CTNNA2: variants seen among roughly 807,000 people sequenced by gnomAD.
The protein encoded by CTNNA2 is catenin alpha-2.
Under a neutral mutation model 101.0 loss-of-function variants are expected in CTNNA2, and 42 were observed. The ratio of observed to expected loss-of-function variants is 0.42; its 90% CI spans 0.32 to 0.54. The LOEUF (loss-of-function observed/expected upper bound fraction) is 0.54, where lower values mean the gene tolerates loss of function less well. CTNNA2 is among the 20% of genes least tolerant of loss of function. CTNNA2 has a pLI of 0.14. For synonymous variants in CTNNA2, 450 were observed against 456.4 expected (o/e 0.99, Z 0.18); for missense variants, 871 against 1,223.1 (o/e 0.71, Z 4.29).
At chr2:79,338,044 G>A (rs1045750957) in intron 3 of CTNNA2, among the ~76,000 whole-genome samples, 4 of 151,714 alleles carry the variant, frequency 2.6e-5, no homozygotes, top group African/African-American at 7.3e-5. Flanking sequence ...TCAGGAGTTC[G>A]AGACCAGCCT....
intron 1 of CTNNA2, among the ~76,000 whole-genome samples, chr2:79,517,669 A>G (rs1181266516): frequency 3.9e-5 from 6 of 152,124 alleles, no homozygotes; most frequent in Non-Finnish European, 7.4e-5. Flanking sequence ...TATTTTCCTT[A>G]TAAGTGAATT....
chr2:79,376,289 G>A (rs1422733624), intron 4 of CTNNA2, among the ~76,000 whole-genome samples: 7 of 152,064 alleles, frequency 4.6e-5, no homozygotes, highest in African/African-American at 1.4e-4. Context: ...AAACAGCAAC[G>A]GTGGGCTGTC....
At chr2:79,431,456 G>T (rs1311601363) in intron 4 of CTNNA2, among the ~76,000 whole-genome samples, 1 of 151,978 alleles carries the variant, frequency 6.6e-6, no homozygotes, top group African/African-American at 2.4e-5. Context: ...AGACTAAAAG[G>T]GCACTTTTGA....
At chr2:80,412,827 G>A (rs1679707824) in intron 8 of CTNNA2, among the ~76,000 whole-genome samples, 1 of 152,088 alleles carries the variant, frequency 6.6e-6, no homozygotes. Context: ...CCTGGGACAG[G>A]CAGTCTAGCC....
intron 1 of CTNNA2, among the ~76,000 whole-genome samples, chr2:79,642,895 T>TA (rs940473243): frequency 1.1e-4 from 17 of 149,640 alleles, no homozygotes; most frequent in African/African-American, 2.7e-4. Flanking sequence ...AGAGGTACTT[T>TA]AAAAAAAAAA....
At chr2:80,075,622 A>ATTTTTAT (rs1344471698) in intron 7 of CTNNA2, among the ~76,000 whole-genome samples, 1,756 of 55,542 alleles carry the variant, frequency 0.032, 96 homozygotes, top group East Asian at 0.11. Flanking sequence ...GTATAAATAT[A>ATTTTTAT]AATATTTATA....
intron 7 of CTNNA2, among the ~76,000 whole-genome samples, chr2:80,285,650 T>C (rs1436381250): frequency 6.6e-6 from 1 of 152,096 alleles, no homozygotes; most frequent in Non-Finnish European, 1.5e-5. Flanking sequence ...TAGATAAAAC[T>C]CAGAGAAGCC....
In CTNNA2 at chr2:80,576,707, G is replaced by T. The variant is rs1347342169; in HGVS notation, c.1893+2393G>T. On this transcript the variant is annotated intron_variant, in intron 13 of 18. Coordinates refer to ENST00000402739, the MANE Select transcript of CTNNA2 (RefSeq NM_001282597.3). ...CTTCTTTAATATGTATTGTTTTTTG[G>T]GGGAGCCGAGGCAGGTGGATCACCT... Among the ~76,000 whole-genome samples, 3 of 149,900 alleles carry T rather than the reference G, an allele frequency of 2.0e-5. No homozygotes were observed. The East Asian group carries it at 5.9e-4, about 29-fold the overall frequency.
At chr2:80,416,546 G>A (rs764420234) in intron 8 of CTNNA2, among the ~76,000 whole-genome samples, 3 of 151,900 alleles carry the variant, frequency 2.0e-5, no homozygotes, top group South Asian at 2.1e-4. Context: ...ACCTTTAAAC[G>A]CAATAATATT....
Position 80,198,439 on chromosome 2 carries a change from TC to T in CTNNA2, c.1057-194771del, listed in dbSNP as rs539192964. ...AGTGAAAGGAGTGAAAGCTAAGCTC[TC>T]ATAAAATATAAAGCATTATTATCAA... On this transcript the variant is annotated intron_variant, in intron 7 of 18. Transcript: ENST00000402739. 2.0e-4 allele frequency among the ~76,000 whole-genome samples: 30 copies of T among 152,354 alleles called. No homozygotes were observed. The East Asian group carries it at 5.4e-3, about 27-fold the overall frequency.
At chr2:80,192,322 C>T (rs1706559599) in intron 7 of CTNNA2, among the ~76,000 whole-genome samples, 1 of 152,142 alleles carries the variant, frequency 6.6e-6, no homozygotes, top group Admixed American at 6.5e-5. Context: ...TTCACTCTAT[C>T]GCAAGCCTTA....
chr2:80,487,352 G>C (rs528631905), intron 9 of CTNNA2, among the ~76,000 whole-genome samples: 1 of 151,654 alleles, frequency 6.6e-6, no homozygotes, highest in African/African-American at 2.4e-5. Flanking sequence ...CCATTCTCAT[G>C]CTGCTATAAA....
Position 79,765,538 on chromosome 2 carries a change from G to C in CTNNA2, c.298+20956G>C, listed in dbSNP as rs137878244. Reference sequence around the variant, plus strand: ...GATGCTTGTGTTTAATGGGAGGTGGGCAGGTTAAAGTTGCTACTGGACTCC... The same window carrying C: ...GATGCTTGTGTTTAATGGGAGGTGGCCAGGTTAAAGTTGCTACTGGACTCC... On this transcript the variant is annotated intron_variant, in intron 3 of 18. Transcript: ENST00000402739. Among the ~76,000 whole-genome samples the C allele has an allele frequency of 4.0e-3, 611 of 152,234 alleles. 6 individuals are homozygous for C. Among genetic ancestry groups the C allele is most frequent in the African/African-American group, 0.014 (586 of 41,532 alleles).
At chr2:80,300,173 T>G (rs947272416) in intron 7 of CTNNA2, among the ~76,000 whole-genome samples, 1 of 152,018 alleles carries the variant, frequency 6.6e-6, no homozygotes, top group African/African-American at 2.4e-5. Context: ...AGAACACTAA[T>G]AGTCTGAATG....
chr2:80,305,916 G>A (rs528528243), intron 7 of CTNNA2, among the ~76,000 whole-genome samples: 24 of 152,278 alleles, frequency 1.6e-4, no homozygotes, highest in Middle Eastern at 3.4e-3. Flanking sequence ...AATTCCCATC[G>A]TTTCTGCCTC....
In CTNNA2 at chr2:80,625,349, C is replaced by A. The variant is rs147485096; in HGVS notation, c.2574+6121C>A. 1.4e-3 allele frequency among the ~76,000 whole-genome samples: 212 copies of A among 152,104 alleles called. 2 individuals are homozygous for A. Among genetic ancestry groups the A allele is most frequent in the African/African-American group, 4.7e-3 (197 of 41,540 alleles). On this transcript the variant is annotated intron_variant, in intron 18 of 18. Transcript: ENST00000402739. Reference sequence around the variant, plus strand: ...CATTGTATGAAGCATTTAAAATGCACTATGAAATATGTTTTTTCAATTGTG... The same window carrying A: ...CATTGTATGAAGCATTTAAAATGCAATATGAAATATGTTTTTTCAATTGTG...
intron 7 of CTNNA2, among the ~76,000 whole-genome samples, chr2:79,942,024 G>T (rs1688198141): frequency 6.6e-6 from 1 of 152,152 alleles, no homozygotes; most frequent in African/African-American, 2.4e-5. Context: ...CATCATGTTG[G>T]CATAAGGTCT....
chr2:79,211,255 C>T (rs1007963917), intron 2 of CTNNA2, among the ~76,000 whole-genome samples: 3 of 152,102 alleles, frequency 2.0e-5, no homozygotes, highest in South Asian at 2.1e-4. Context: ...TGAAAGTCTC[C>T]GGCACACTGT....
chr2:79,748,975 T>G (rs1404163964), intron 3 of CTNNA2, among the ~76,000 whole-genome samples: 1 of 152,064 alleles, frequency 6.6e-6, no homozygotes, highest in Non-Finnish European at 1.5e-5. Flanking sequence ...GGAGTTTTAC[T>G]GGGGGGCTTA....
Sources: gnomAD v4.1 joint callset for allele counts (sites outside exome capture counted in the v4.1 genomes callset) on GRCh38, gnomAD v4.1.1 for gene constraint, MANE v1.5 for transcripts, NCBI Gene and HGNC (gene_info 2026-07-23, HGNC 2026-07-21) for gene names.